The following NAXD variants were observed in gnomAD, a reference collection of about 807,000 sequenced individuals.
NAXD encodes the protein ATP-dependent (S)-NAD(P)H-hydrate dehydratase.
A neutral mutation model predicts 35.8 loss-of-function variants in NAXD; 22 were observed. The ratio of observed to expected loss-of-function variants is 0.62; its 90% CI spans 0.44 to 0.88. The LOEUF is 0.88. Among genes scored for constraint, NAXD ranks in the 40% least tolerant of loss-of-function variants. The probability of loss-of-function intolerance (pLI) is 0.00; values close to 1 mark genes in which losing one functional copy is unlikely to be tolerated. For missense variants in NAXD, 428 were observed against 437.7 expected, an observed-to-expected ratio of 0.98 and a Z score of 0.20; for synonymous variants, 189 against 177.6, an observed-to-expected ratio of 1.06 and a Z score of -0.51.
chr13:110,620,347 C>T (rs919714706), intron 1 of NAXD, among the ~76,000 whole-genome samples: 6 of 151,458 alleles, frequency 4.0e-5, no homozygotes, highest in African/African-American at 7.3e-5. Context: ...TTTGGGAGGC[C>T]GAGGTGGGCA....
At chr13:110,630,431 C>T (rs903435216) in intron 5 of NAXD, among the ~76,000 whole-genome samples, 6 of 152,116 alleles carry the variant, frequency 3.9e-5, no homozygotes, top group Admixed American at 6.6e-5. Context: ...TCTTCATATA[C>T]GTTCTAGACA....
chr13:110,631,040 C>T (rs1026944603), intron 5 of NAXD, among the ~76,000 whole-genome samples: 1 of 152,146 alleles, frequency 6.6e-6, no homozygotes, highest in Non-Finnish European at 1.5e-5. Flanking sequence ...GCAGCCGCAA[C>T]TTTGGTAGGG....
chr13:110,637,044 CCGTGCGGCCTT>C (rs1238679659), intron 8 of NAXD, 74 bp from the exon 9 acceptor site: 4 of 1,466,060 alleles, frequency 2.7e-6, no homozygotes, highest in Non-Finnish European at 3.6e-6. Flanking sequence ...GCTCTGCCTG[CCGTGCGGCCTT>C]CCACACCCGT....
chr13:110,615,587 C>A lies in NAXD; in HGVS notation c.-15C>A. ...CGACGGCGCGGGGGCAGCTGGGAAT[C>A]CGGAATGCTGCCCGATGGCCCTGGG... On this transcript the variant is annotated 5_prime_UTR_variant, in exon 1 of 10. Transcript: ENST00000680254. 1 of 1,359,130 alleles carries A rather than the reference C, an allele frequency of 7.4e-7. No homozygotes were observed. The highest frequency in any genetic ancestry group is 9.5e-7 in the Non-Finnish European group (1 of 1,055,354). 84.2% of individuals were successfully genotyped at this position (1,359,130 alleles called of 1,614,324 possible).
At chr13:110,615,510 G>A, upstream of NAXD, 1 of 1,230,200 alleles carries the variant, frequency 8.1e-7, no homozygotes, top group Non-Finnish European at 1.1e-6. Context: ...GCCGACAGCC[G>A]CGCGGAGGCG....
chr13:110,619,541 C>A (rs139030217), intron 1 of NAXD, among the ~76,000 whole-genome samples: 20 of 152,238 alleles, frequency 1.3e-4, no homozygotes, highest in African/African-American at 4.8e-4. Flanking sequence ...TTTTATATGA[C>A]CTTAAATATT....
At chr13:110,634,830 G>T (rs943944424) in intron 7 of NAXD, 54 bp downstream of exon 7, 124 of 1,354,140 alleles carry the variant, frequency 9.2e-5, no homozygotes, top group Non-Finnish European at 1.2e-4. Context: ...GTCCTGAAGA[G>T]GGTGAAGGAC....
intron 1 of NAXD, among the ~76,000 whole-genome samples, chr13:110,620,064 G>C (rs949246062): frequency 6.6e-6 from 1 of 151,968 alleles, no homozygotes; most frequent in Non-Finnish European, 1.5e-5. Flanking sequence ...CTCCCAAAGT[G>C]CTGAGATTAC....
chr13:110,638,964 G>A lies in NAXD; in HGVS notation c.*436G>A. On this transcript the variant is annotated 3_prime_UTR_variant, in exon 10 of 10. Transcript: ENST00000680254. The surrounding 1 kb of genome is among the most constrained non-coding windows in gnomAD (Gnocchi z 5.4). ...TCCTCCGGCAGGGAGCTGGGCAGGG[G>A]TCCCCGGGTGTCTCCCTGAGTCCCG... The A allele has an allele frequency of 2.8e-6, 1 of 354,948 alleles. No homozygotes were observed. The highest frequency in any genetic ancestry group is 5.5e-6 in the Non-Finnish European group (1 of 180,774). The allele number at this position is 354,948 out of a possible 1,614,324, so 22.0% of individuals were successfully genotyped here.
chr13:110,632,242 G>A (rs557576069), intron 5 of NAXD, among the ~76,000 whole-genome samples: 8 of 151,882 alleles, frequency 5.3e-5, no homozygotes, highest in South Asian at 2.1e-4. Context: ...GGAGTTGTTC[G>A]TTCCTCCCGG....
chr13:110,633,053 G>T (rs1388859066), intron 5 of NAXD, among the ~76,000 whole-genome samples: 3 of 152,184 alleles, frequency 2.0e-5, no homozygotes, highest in African/African-American at 7.2e-5. Context: ...TTGGGTGGTC[G>T]ATGGGACTGG....
chr13:110,638,438 C>T lies in NAXD; in HGVS notation c.900C>T (p.His300=), dbSNP rs1285681759. ...GACSLTRQCN[H]QAFQKHGRST... is the part of the protein sequence containing the mutation. ...GCTCTCTCACCAGGCAGTGCAACCA[C>T]CAAGCCTTCCAGAAGCACGGTCGCT... The change falls in exon 10 of 10, where the codon CAC becomes CAT. Residue 300 remains histidine, a synonymous_variant. Coordinates refer to ENST00000680254, the MANE Select transcript of NAXD (RefSeq NM_001242882.2). This position sits in a 1 kb window ranked among gnomAD's most constrained non-coding sequence, Gnocchi z 5.4. 3.1e-6 allele frequency: 5 copies of T among 1,613,442 alleles called. No homozygotes were observed. The highest frequency in any genetic ancestry group is 1.3e-5 in the African/African-American group (1 of 74,926).
rs762477686 is a variant in NAXD at position 110,638,486 on chromosome 13, C to T, written c.948C>T (p.Ile316=). 3.7e-6 allele frequency: 6 copies of T among 1,613,066 alleles called. No homozygotes were observed. Among genetic ancestry groups the T allele is most frequent in the East Asian group, 2.2e-5 (1 of 44,880 alleles). Residue 316 remains isoleucine (I), a synonymous_variant, in exon 10 of 10, where the codon ATC becomes ATT. Transcript: ENST00000680254. This position sits in a 1 kb window ranked among gnomAD's most constrained non-coding sequence, Gnocchi z 5.4. ...GCTCCACCACCACCTCCGACATGATCGCCGAGGTGGGGGCCGCCTTCAGCA... is the reference window on the plus strand; with the variant it reads ...GCTCCACCACCACCTCCGACATGATTGCCGAGGTGGGGGCCGCCTTCAGCA... ...HGRSTTTSDM[I]AEVGAAFSKL... is the part of the protein sequence containing the mutation.
chr13:110,626,853 C>G (rs770478770), intron 4 of NAXD, among the ~76,000 whole-genome samples: 1 of 152,204 alleles, frequency 6.6e-6, no homozygotes, highest in Non-Finnish European at 1.5e-5. Context: ...AAAGCAAACC[C>G]CTGCCCTGTT....
At chr13:110,623,367 G>A (rs762458617) in intron 2 of NAXD, among the ~76,000 whole-genome samples, 9 of 152,314 alleles carry the variant, frequency 5.9e-5, no homozygotes, top group Non-Finnish European at 1.2e-4. Context: ...TCTGACGGAG[G>A]GCAGGGCTCT....
rs777177265 is a variant in NAXD, at chr13:110,635,490, A to AT, written c.621dup (p.Asp208Ter). The AT allele has an allele frequency of 6.2e-7, 1 of 1,614,096 alleles. No homozygotes were observed. Among genetic ancestry groups the AT allele is most frequent in the Non-Finnish European group, 8.5e-7 (1 of 1,179,968 alleles). On this transcript the variant is annotated frameshift_variant, in exon 8 of 10. Coordinates refer to ENST00000680254, the MANE Select transcript of NAXD (RefSeq NM_001242882.2). LOFTEE classifies it high-confidence loss of function. Reference sequence around the variant, plus strand: ...TAGCTCAGAGGCCCTATGGACAGCGATGACAGCCATGGATCTGTGCTAAGA... The same window carrying AT: ...TAGCTCAGAGGCCCTATGGACAGCGATTGACAGCCATGGATCTGTGCTAAGA...
At chr13:110,625,089 C>T (rs533884400) in intron 3 of NAXD, 101 bp from the exon 4 acceptor site, 15 of 843,640 alleles carry the variant, frequency 1.8e-5, no homozygotes, top group South Asian at 2.9e-5. Flanking sequence ...TTCTCATGCA[C>T]GTCACCAGGG....
intron 4 of NAXD, among the ~76,000 whole-genome samples, 183 bp downstream of exon 4, chr13:110,625,461 G>A (rs949781949): frequency 4.6e-5 from 7 of 152,252 alleles, no homozygotes; most frequent in African/African-American, 1.2e-4. Flanking sequence ...AGACAGAGAC[G>A]GCGGGGTGGA....
chr13:110,620,578 C>CAAAA (rs34370844), intron 1 of NAXD, among the ~76,000 whole-genome samples: 3 of 84,942 alleles, frequency 3.5e-5, no homozygotes, highest in African/African-American at 7.6e-5. Context: ...GACTCTGTCT[C>CAAAA]AAAAAAAAAA....
Sources: allele counts gnomAD v4.1 joint callset (sites outside exome capture counted in the v4.1 genomes callset), GRCh38; gene constraint gnomAD v4.1.1; non-coding constraint Gnocchi (gnomAD v3.1); transcripts MANE v1.5; gene names NCBI Gene and HGNC (gene_info 2026-07-23, HGNC 2026-07-21).